The following CD80 variants were observed in gnomAD, a reference collection of about 807,000 sequenced individuals.
CD80 encodes T-lymphocyte activation antigen CD80.
CD80 carries 13 observed loss-of-function variants against 27.1 expected under a neutral mutation model. The ratio of observed to expected loss-of-function variants is 0.48; its 90% CI spans 0.31 to 0.76. The LOEUF is 0.76. CD80 is among the 30% of genes least tolerant of loss of function. The pLI, the probability that CD80 is intolerant of heterozygous loss-of-function variation, is 0.04. For synonymous variants in CD80, 125 were observed against 125.5 expected (o/e 1.00, Z 0.03); for missense variants, 277 against 347.9 (o/e 0.80, Z 1.62).
In CD80 at chr3:119,527,786, A is replaced by G. The variant is rs766411633; in HGVS notation, c.852T>C (p.Ser284=). ...RRRNERLRRE[S]VRPV ...GCGGACACTGTTATACAGGGCGTAC[A>G]CTTTCCCTTCTCAATCTCTCATTCC... is the stretch of plus-strand genomic sequence containing the variant. The change falls in exon 6 of 7, where the codon AGT becomes AGC. Residue 284 remains serine, a synonymous_variant. Transcript: ENST00000264246. The G allele has an allele frequency of 1.9e-6, 3 of 1,613,960 alleles. No individual in the cohort carries two copies. The highest frequency in any genetic ancestry group is 3.3e-5 in the Admixed American group (2 of 60,006).
At chr3:119,556,910 A>G (rs558986655) in intron 2 of CD80, among the ~76,000 whole-genome samples, 3 of 152,304 alleles carry the variant, frequency 2.0e-5, no homozygotes, top group South Asian at 2.1e-4. Flanking sequence ...GACAGTCCCA[A>G]AAGTTCAGCA....
At chr3:119,529,201 TG>T (rs2082096531) in intron 5 of CD80, among the ~76,000 whole-genome samples, 1 of 152,072 alleles carries the variant, frequency 6.6e-6, no homozygotes, top group South Asian at 2.1e-4. Context: ...CCACCTGCCT[TG>T]GCCTCCCAAA....
chr3:119,537,207 G>T lies in CD80; in HGVS notation c.630C>A (p.Thr210=), dbSNP rs765269169. The change falls in exon 4 of 7, where the codon ACC becomes ACA. Residue 210 remains threonine (T), a synonymous_variant. Coordinates refer to ENST00000264246, the MANE Select transcript of CD80 (RefSeq NM_005191.4). ...TGATGAGACACATGAAGCTGTGGTT[G>T]GTTGTCATATTGAAATCCAGTTTGC... ...VSSKLDFNMT[T]NHSFMCLIKY... The T allele has an allele frequency of 6.2e-7, 1 of 1,614,004 alleles. No homozygotes were observed. The highest frequency in any genetic ancestry group is 2.2e-5 in the East Asian group (1 of 44,872).
At chr3:119,533,991 A>G (rs953215045) in intron 4 of CD80, among the ~76,000 whole-genome samples, 10 of 152,138 alleles carry the variant, frequency 6.6e-5, no homozygotes, top group African/African-American at 2.4e-4. Flanking sequence ...TTTATACCCT[A>G]AAGCTCTCCA....
chr3:119,541,331 C>T (rs189215630), intron 3 of CD80, among the ~76,000 whole-genome samples: 4 of 152,266 alleles, frequency 2.6e-5, no homozygotes, highest in South Asian at 2.1e-4. Context: ...AAGCTGTTAA[C>T]GAATGTAGCT....
intron 5 of CD80, among the ~76,000 whole-genome samples, chr3:119,528,066 G>C (rs550485195): frequency 1.6e-4 from 25 of 152,190 alleles, no homozygotes; most frequent in African/African-American, 5.8e-4. Flanking sequence ...GGGTGCTACT[G>C]GCATGTAGTG....
chr3:119,554,518 T>G (rs1051373930), intron 2 of CD80, among the ~76,000 whole-genome samples: 5 of 152,090 alleles, frequency 3.3e-5, no homozygotes, highest in Non-Finnish European at 7.4e-5. Context: ...CGTTTCTGCC[T>G]CCATAGACAG....
rs1156374627 is a variant in CD80, at chr3:119,557,813, A to C, written c.-85T>G. On this transcript the variant is annotated 5_prime_UTR_variant, in exon 2 of 7. Coordinates refer to ENST00000264246, the MANE Select transcript of CD80 (RefSeq NM_005191.4). Reference sequence around the variant, plus strand: ...GGCACTTCCCAGGTGCAAAACAGGCAGGGCTGATGACAATCCAATTGCTCA... The same window carrying C: ...GGCACTTCCCAGGTGCAAAACAGGCCGGGCTGATGACAATCCAATTGCTCA... 1 of 800,844 alleles carries C rather than the reference A, an allele frequency of 1.2e-6. No homozygotes were observed. The highest frequency in any genetic ancestry group is 2.8e-5 in the East Asian group (1 of 36,242). The allele number at this position is 800,844 out of a possible 1,614,324, so 49.6% of individuals were successfully genotyped here.
chr3:119,543,142 A>G (rs1158691734), intron 3 of CD80, among the ~76,000 whole-genome samples: 1 of 152,220 alleles, frequency 6.6e-6, no homozygotes, highest in Non-Finnish European at 1.5e-5. Context: ...GATTTGAGTA[A>G]TGATAAAACT....
At chr3:119,526,389 A>G (rs1198692342) in intron 6 of CD80, among the ~76,000 whole-genome samples, 1 of 152,204 alleles carries the variant, frequency 6.6e-6, no homozygotes, top group Non-Finnish European at 1.5e-5. Flanking sequence ...AAGTCAAGAA[A>G]ATTGTAGATA....
rs2082273205 is a variant in CD80, at chr3:119,557,927, G to A, written c.-199C>T. 2.5e-6 allele frequency: 1 copy of A among 400,814 alleles called. No homozygotes were observed. The highest frequency in any genetic ancestry group is 4.3e-5 in the Admixed American group (1 of 23,044). The allele number at this position is 400,814 out of a possible 1,614,324, so 24.8% of individuals were successfully genotyped here. On this transcript the variant is annotated splice_region_variant and 5_prime_UTR_variant, in exon 2 of 7. Coordinates refer to ENST00000264246, the MANE Select transcript of CD80 (RefSeq NM_005191.4). ...CAAAGGTTGTGGATTTAGTTTCACA[G>A]CCTGAAAAAGGAACAAATAAAAGTC...
At chr3:119,545,634 A>G (rs72952980) in intron 2 of CD80, among the ~76,000 whole-genome samples, 4,702 of 152,238 alleles carry the variant, frequency 0.031, 252 homozygotes, top group African/African-American at 0.11. Flanking sequence ...TTCACTTAGC[A>G]TGATGCACTC....
intron 1 of CD80, among the ~76,000 whole-genome samples, chr3:119,558,765 CA>C (rs11343154): frequency 0.42 from 39,821 of 93,738 alleles, 5,218 homozygotes; most frequent in East Asian, 0.67. Flanking sequence ...GACTCCATCT[CA>C]AAAAAAAAAA....
In CD80 at chr3:119,557,081, A is replaced by T. The variant is rs577558149; in HGVS notation, c.100+548T>A. ...AGTCAGATGCCAATGTTGAAAAAAG[A>T]TCTCAGCATCCAAAGCAGAACAAAT... On this transcript the variant is annotated intron_variant, in intron 2 of 6. Coordinates refer to ENST00000264246, the MANE Select transcript of CD80 (RefSeq NM_005191.4). Among the ~76,000 whole-genome samples, 53 of 152,384 alleles carry T rather than the reference A, an allele frequency of 3.5e-4. No homozygotes were observed. In the South Asian group the frequency reaches 0.011, roughly 31 times the overall value.
At chr3:119,549,926 G>A (rs1252229103) in intron 2 of CD80, among the ~76,000 whole-genome samples, 1 of 152,154 alleles carries the variant, frequency 6.6e-6, no homozygotes, top group African/African-American at 2.4e-5. Context: ...AAGGAACATG[G>A]GCTATCCATC....
chr3:119,552,832 A>G (rs1164194231), intron 2 of CD80, among the ~76,000 whole-genome samples: 1 of 152,212 alleles, frequency 6.6e-6, no homozygotes, highest in Admixed American at 6.5e-5. Context: ...ACATATTGTA[A>G]GAAATGTCCA....
intron 3 of CD80, among the ~76,000 whole-genome samples, chr3:119,542,103 A>G (rs779986691): frequency 5.6e-5 from 7 of 124,576 alleles, no homozygotes; most frequent in Non-Finnish European, 7.9e-5. Flanking sequence ...TTTAACAGGG[A>G]TCTTTTAGGA....
rs1033299684 is a variant in CD80 at position 119,524,487 on chromosome 3, C to G, written c.*1301G>C. ...CTAGTACCTTATGTTGGTGTTAGACCTCTCTGCCCTACACTGAGAATATAG... is the reference window on the plus strand; with the variant it reads ...CTAGTACCTTATGTTGGTGTTAGACGTCTCTGCCCTACACTGAGAATATAG... On this transcript the variant is annotated 3_prime_UTR_variant, in exon 7 of 7. Transcript: ENST00000264246. 1 of 147,832 alleles carries G rather than the reference C, an allele frequency of 6.8e-6. No individual in the cohort carries two copies. 9.2% of individuals were successfully genotyped at this position (147,832 alleles called of 1,614,324 possible). A position where few individuals can be genotyped will look rare whatever the true frequency, so the allele number is the denominator to read the frequency against.
At chr3:119,544,245 T>C (rs2107744807) in intron 3 of CD80, 1 of 372,116 alleles carries the variant, frequency 2.7e-6, no homozygotes, top group South Asian at 3.3e-5. Flanking sequence ...GTGCAGTTAG[T>C]AGCAAGGCTA....
Sources: allele counts gnomAD v4.1 joint callset (sites outside exome capture counted in the v4.1 genomes callset), GRCh38; gene constraint gnomAD v4.1.1; transcripts MANE v1.5; gene names NCBI Gene and HGNC (gene_info 2026-07-23, HGNC 2026-07-21).